Variants in PARD3B observed in about 807,000 individuals in gnomAD.
PARD3B encodes partitioning defective 3 homolog B.
PARD3B carries 103 observed loss-of-function variants against 130.2 expected under a neutral mutation model. The ratio of observed to expected loss-of-function variants is 0.79; its 90% confidence interval spans 0.67 to 0.93. The LOEUF (loss-of-function observed/expected upper bound fraction) is 0.93. PARD3B is among the 40% of genes least tolerant of loss of function. The pLI is 0.00. For synonymous variants in PARD3B, 583 were observed against 553.2 expected, an observed-to-expected ratio of 1.05 and a Z score of -0.76; for missense variants, 1,609 against 1,499.2, an observed-to-expected ratio of 1.07 and a Z score of -1.21.
chr2:204,796,658 A>T (rs2042385703), intron 2 of PARD3B, among the ~76,000 whole-genome samples: 1 of 152,170 alleles, frequency 6.6e-6, no homozygotes, highest in African/African-American at 2.4e-5. Flanking sequence ...CAAAATTAAG[A>T]TTCATTGCAT....
intron 2 of PARD3B, among the ~76,000 whole-genome samples, chr2:204,807,360 T>A (rs992190964): frequency 2.0e-5 from 3 of 152,236 alleles, no homozygotes; most frequent in Non-Finnish European, 4.4e-5. Context: ...CTGTTGAGGA[T>A]GTGGAGAAAG....
At chr2:204,615,103 C>G (rs1392747184) in intron 1 of PARD3B, among the ~76,000 whole-genome samples, 1 of 152,024 alleles carries the variant, frequency 6.6e-6, no homozygotes, top group Non-Finnish European at 1.5e-5. Flanking sequence ...CTTTAGCGTT[C>G]AATCTTTTTT....
rs112574913 is a variant in PARD3B at position 204,959,207 on chromosome 2, T to G, written c.223-5945T>G. 1.1e-4 allele frequency among the ~76,000 whole-genome samples: 17 copies of G among 152,124 alleles called. 1 individual carries two copies. The highest frequency in any genetic ancestry group is 1.6e-4 in the Non-Finnish European group (11 of 68,014). ...TGTGTTCCCATTATTCAGCTGCCAC[T>G]TATGAGTGAGAACATGCGGTGTTTG... On this transcript the variant is annotated intron_variant, in intron 2 of 22. Transcript: ENST00000406610.
chr2:205,546,420 A>T (rs1340847684), intron 21 of PARD3B, among the ~76,000 whole-genome samples: 1 of 152,106 alleles, frequency 6.6e-6, no homozygotes, highest in East Asian at 1.9e-4. Flanking sequence ...AGAAAAAAAA[A>T]ACCTGCATGA....
At chr2:204,601,271 A>C (rs1363832319) in intron 1 of PARD3B, among the ~76,000 whole-genome samples, 2 of 152,094 alleles carry the variant, frequency 1.3e-5, no homozygotes, top group South Asian at 2.1e-4. Flanking sequence ...GCCCAGAGTC[A>C]TCTTAATGAG....
At chr2:205,147,529 G>A (rs2033450600) in intron 10 of PARD3B, among the ~76,000 whole-genome samples, 1 of 152,054 alleles carries the variant, frequency 6.6e-6, no homozygotes, top group Non-Finnish European at 1.5e-5. Context: ...AAAGAAAATT[G>A]GTTTTTGGTA....
At chr2:204,649,039 T>G (rs530912137) in intron 1 of PARD3B, among the ~76,000 whole-genome samples, 42 of 114,448 alleles carry the variant, frequency 3.7e-4, no homozygotes, top group Middle Eastern at 4.1e-3. Flanking sequence ...ATTTATAATA[T>G]ATATCATATA....
At position 205,300,262 on chromosome 2, in the gene PARD3B, C is replaced by T. The variant is rs2041947595; in HGVS notation, c.2186-268C>T. Among the ~76,000 whole-genome samples the T allele has an allele frequency of 6.6e-6, 1 of 152,142 alleles. No homozygotes were observed. Among genetic ancestry groups the T allele is most frequent in the Non-Finnish European group, 1.5e-5 (1 of 68,028 alleles). Reference sequence around the variant, plus strand: ...GTGTGTGTGTATATGCCTATAGACACACATGCATATACACTTCTGCATAGA... The same window carrying T: ...GTGTGTGTGTATATGCCTATAGACATACATGCATATACACTTCTGCATAGA... On this transcript the variant is annotated intron_variant, in intron 16 of 22. Coordinates refer to ENST00000406610, the MANE Select transcript of PARD3B (RefSeq NM_001302769.2). This position sits in a 1 kb window ranked among gnomAD's most constrained non-coding sequence, Gnocchi z 4.1.
chr2:204,812,667 A>C (rs974494771), intron 2 of PARD3B, among the ~76,000 whole-genome samples: 1 of 152,082 alleles, frequency 6.6e-6, no homozygotes, highest in African/African-American at 2.4e-5. Flanking sequence ...TTACCAGTTG[A>C]ATGTTCCTAA....
At chr2:205,117,491 G>A (rs1454079372) in intron 6 of PARD3B, among the ~76,000 whole-genome samples, 1 of 152,166 alleles carries the variant, frequency 6.6e-6, no homozygotes, top group East Asian at 1.9e-4. Context: ...GGGGACAGAG[G>A]TTCAACTCCG....
At chr2:205,180,222 C>G (rs1019303031) in intron 13 of PARD3B, among the ~76,000 whole-genome samples, 2 of 150,144 alleles carry the variant, frequency 1.3e-5, no homozygotes, top group African/African-American at 4.9e-5. Context: ...TTAGGCCTAT[C>G]AAAACACAGA....
Position 205,341,293 on chromosome 2 carries a change from A to C in PARD3B, c.2630+39592A>C, listed in dbSNP as rs771671094. 6.6e-6 allele frequency among the ~76,000 whole-genome samples: 1 copy of C among 152,094 alleles called. No homozygotes were observed. Among genetic ancestry groups the C allele is most frequent in the Non-Finnish European group, 1.5e-5 (1 of 67,990 alleles). On this transcript the variant is annotated intron_variant, in intron 18 of 22. Transcript: ENST00000406610. The surrounding 1 kb of genome is among the most constrained non-coding windows in gnomAD (Gnocchi z 4.3). Reference sequence around the variant, plus strand: ...ATATCAAAGGGATACCTGCACCCGCATGTTTAATGCATCACTGTTCACAAT... The same window carrying C: ...ATATCAAAGGGATACCTGCACCCGCCTGTTTAATGCATCACTGTTCACAAT...
At chr2:205,580,116 ATGAGTAC>A (rs1170822521) in intron 22 of PARD3B, among the ~76,000 whole-genome samples, 1 of 152,220 alleles carries the variant, frequency 6.6e-6, no homozygotes, top group African/African-American at 2.4e-5. Flanking sequence ...TTTCTTAAAA[ATGAGTAC>A]TTGCAAGAAG....
chr2:205,213,559 G>T (rs1360691100), intron 15 of PARD3B, among the ~76,000 whole-genome samples: 1 of 152,136 alleles, frequency 6.6e-6, no homozygotes, highest in Non-Finnish European at 1.5e-5. Flanking sequence ...TACTATCTGG[G>T]CAGGTTCCCT....
intron 11 of PARD3B, among the ~76,000 whole-genome samples, chr2:205,168,604 T>G (rs2034965968): frequency 6.6e-6 from 1 of 151,744 alleles, no homozygotes; most frequent in Non-Finnish European, 1.5e-5. Flanking sequence ...TCATTTTAGG[T>G]CAAGACTGGA....
chr2:204,780,126 T>C (rs2041783282), intron 2 of PARD3B, among the ~76,000 whole-genome samples: 1 of 152,196 alleles, frequency 6.6e-6, no homozygotes, highest in Non-Finnish European at 1.5e-5. Context: ...TTAGCTTTAT[T>C]TGTATTCCAT....
At chr2:205,314,274 T>C (rs2105943088) in intron 18 of PARD3B, among the ~76,000 whole-genome samples, 1 of 152,320 alleles carries the variant, frequency 6.6e-6, no homozygotes, top group East Asian at 1.9e-4. Flanking sequence ...GCTTTGCGTA[T>C]AATAAAGAAT....
At chr2:204,848,170 T>C (rs1487847978) in intron 2 of PARD3B, among the ~76,000 whole-genome samples, 1 of 152,218 alleles carries the variant, frequency 6.6e-6, no homozygotes, top group Admixed American at 6.5e-5. Flanking sequence ...AGTTAAACTT[T>C]ATCATAGGTG....
chr2:205,358,844 T>C (rs73062533), intron 18 of PARD3B, among the ~76,000 whole-genome samples: 1 of 152,222 alleles, frequency 6.6e-6, no homozygotes, highest in Non-Finnish European at 1.5e-5. Context: ...ATCAAAATTT[T>C]ATTGTTGAAT....
Sources: allele counts gnomAD v4.1 joint callset (sites outside exome capture counted in the v4.1 genomes callset), GRCh38; gene constraint gnomAD v4.1.1; non-coding constraint Gnocchi (gnomAD v3.1); transcripts MANE v1.5; gene names NCBI Gene and HGNC (gene_info 2026-07-23, HGNC 2026-07-21).